CHN1: variants seen among roughly 807,000 people sequenced by gnomAD.
The protein encoded by CHN1 is N-chimaerin.
In CHN1, 37 loss-of-function variants were observed where a neutral mutation model predicts 59.5. The observed-to-expected ratio is 0.62, with a 90% CI of 0.48 to 0.82. The LOEUF (loss-of-function observed/expected upper bound fraction) is 0.82, where lower values mean the gene tolerates loss of function less well. Ranked by LOEUF, CHN1 falls within the 40% of genes least tolerant of loss-of-function variation. CHN1 has a pLI of 0.00. For missense variants in CHN1, 469 were observed against 571.0 expected (o/e 0.82, Z 1.82); for synonymous variants, 206 against 200.4 (o/e 1.03, Z -0.24).
At chr2:174,865,242 C>A (rs1687182885) in intron 6 of CHN1, among the ~76,000 whole-genome samples, 1 of 152,168 alleles carries the variant, frequency 6.6e-6, no homozygotes, top group African/African-American at 2.4e-5. Context: ...AATGGCCCAT[C>A]TGAACCATGC....
At chr2:174,972,028 T>A (rs938668037) in intron 1 of CHN1, among the ~76,000 whole-genome samples, 6 of 152,156 alleles carry the variant, frequency 3.9e-5, no homozygotes, top group Non-Finnish European at 8.8e-5. Context: ...GCCCGACAAC[T>A]ATCACTAGGC....
intron 6 of CHN1, among the ~76,000 whole-genome samples, chr2:174,862,311 A>G (rs1287828068): frequency 6.6e-6 from 1 of 151,598 alleles, no homozygotes; most frequent in Non-Finnish European, 1.5e-5. Flanking sequence ...TATAGAATTT[A>G]ATACATTACG....
Position 174,841,992 on chromosome 2 carries a change from G to T in CHN1, c.627+4888C>A, listed in dbSNP as rs185282581. 4.5e-3 allele frequency among the ~76,000 whole-genome samples: 680 copies of T among 152,118 alleles called. 6 individuals are homozygous for T. The highest frequency in any genetic ancestry group is 0.015 in the African/African-American group (640 of 41,496). On this transcript the variant is annotated intron_variant, in intron 7 of 12. Coordinates refer to ENST00000409900, the MANE Select transcript of CHN1 (RefSeq NM_001822.7). ...GGTATCTTGGGTTTTATTTCATTTTGAAAACTCACATAAATCTAATTAAAA... is the reference window on the plus strand; with the variant it reads ...GGTATCTTGGGTTTTATTTCATTTTTAAAACTCACATAAATCTAATTAAAA...
At chr2:174,989,249 G>A (rs939412585) in intron 1 of CHN1, among the ~76,000 whole-genome samples, 3 of 151,840 alleles carry the variant, frequency 2.0e-5, no homozygotes, top group Non-Finnish European at 2.9e-5. Context: ...GGTGGCGGGC[G>A]CCTGTAATCC....
Position 175,005,290 on chromosome 2 carries a change from G to A in CHN1, c.-378C>T. ...GCGGCGGCGGCGGCGGCGACGGGGA[G>A]AGCAGCAGCAGCCTCGCACAGCCCC... On this transcript the variant is annotated 5_prime_UTR_variant, in exon 1 of 13. Coordinates refer to ENST00000409900, the MANE Select transcript of CHN1 (RefSeq NM_001822.7). 1 of 1,198,250 alleles carries A rather than the reference G, an allele frequency of 8.3e-7. No individual in the cohort carries two copies. The highest frequency in any genetic ancestry group is 1.6e-5 in the African/African-American group (1 of 61,750). 74.2% of individuals were successfully genotyped at this position (1,198,250 alleles called of 1,614,324 possible). A position where few individuals can be genotyped will look rare whatever the true frequency, so the allele number is the denominator to read the frequency against.
At chr2:174,887,402 T>G (rs1252575181) in intron 5 of CHN1, among the ~76,000 whole-genome samples, 1 of 152,164 alleles carries the variant, frequency 6.6e-6, no homozygotes, top group Non-Finnish European at 1.5e-5. Flanking sequence ...GTGTTTATTT[T>G]AATAATACTA....
intron 7 of CHN1, among the ~76,000 whole-genome samples, chr2:174,828,062 G>T (rs188586999): frequency 3.9e-5 from 6 of 152,290 alleles, no homozygotes; most frequent in Admixed American, 3.9e-4. Flanking sequence ...GAGTTGGGAG[G>T]GAAGAGGGTA....
At chr2:174,879,725 G>T (rs1254663006) in intron 5 of CHN1, among the ~76,000 whole-genome samples, 1 of 151,988 alleles carries the variant, frequency 6.6e-6, no homozygotes, top group Non-Finnish European at 1.5e-5. Context: ...ACATAGCATT[G>T]AGTCCCTTTA....
chr2:174,812,508 C>T (rs768849610), intron 8 of CHN1, 26 bp from the exon 9 acceptor site: 11 of 1,610,996 alleles, frequency 6.8e-6, no homozygotes, highest in Middle Eastern at 1.6e-4. Flanking sequence ...AGAAAGGAAA[C>T]ATTCAATATT....
chr2:174,902,370 GAATT>G (rs1379501026), intron 5 of CHN1, among the ~76,000 whole-genome samples: 3 of 151,828 alleles, frequency 2.0e-5, no homozygotes, highest in African/African-American at 7.3e-5. Context: ...ACATAAACTG[GAATT>G]ATTATATCAA....
intron 5 of CHN1, among the ~76,000 whole-genome samples, chr2:174,896,939 A>T (rs1688234454): frequency 6.6e-6 from 1 of 152,172 alleles, no homozygotes. Flanking sequence ...AAATATATCA[A>T]CACTCAAATC....
chr2:174,823,524 G>A (rs1051848920), intron 8 of CHN1, among the ~76,000 whole-genome samples: 1 of 152,050 alleles, frequency 6.6e-6, no homozygotes, highest in African/African-American at 2.4e-5. Context: ...TTAGCTGGGT[G>A]TGGTGGCGGG....
At chr2:174,900,650 A>G (rs934830231) in intron 5 of CHN1, among the ~76,000 whole-genome samples, 2 of 152,182 alleles carry the variant, frequency 1.3e-5, no homozygotes, top group African/African-American at 4.8e-5. Flanking sequence ...TACTAAAAAT[A>G]CAAAATTAGC....
chr2:175,000,245 G>A (rs900897688), intron 1 of CHN1, among the ~76,000 whole-genome samples: 3 of 149,812 alleles, frequency 2.0e-5, no homozygotes, highest in Non-Finnish European at 2.9e-5. Flanking sequence ...GGGTTCAAGC[G>A]ATTCTCCTGC....
chr2:174,840,054 T>C (rs534546448), intron 7 of CHN1, among the ~76,000 whole-genome samples: 1 of 152,142 alleles, frequency 6.6e-6, no homozygotes, highest in African/African-American at 2.4e-5. Flanking sequence ...AGAGATGTCA[T>C]TTGTATTTGT....
chr2:174,960,051 G>A (rs143321158), intron 1 of CHN1, among the ~76,000 whole-genome samples: 64 of 152,256 alleles, frequency 4.2e-4, no homozygotes, highest in Non-Finnish European at 6.5e-4. Context: ...ATGACTCTGG[G>A]ACTGGGAAAG....
At chr2:174,954,114 A>C (rs554958411) in intron 1 of CHN1, among the ~76,000 whole-genome samples, 1 of 152,326 alleles carries the variant, frequency 6.6e-6, no homozygotes, top group South Asian at 2.1e-4. Flanking sequence ...AGTGAAACAG[A>C]ATAGAGAATC....
chr2:174,799,979 CAG>C lies in CHN1; in HGVS notation c.*135_*136del, dbSNP rs887600762. Reference sequence around the variant, plus strand: ...CAGCTGAGCGGTGCTACAAAAACAACAGAAAGTTCCTTCACTTTAATCTGGTT... The same window carrying C: ...CAGCTGAGCGGTGCTACAAAAACAACAAAGTTCCTTCACTTTAATCTGGTT... On this transcript the variant is annotated 3_prime_UTR_variant, in exon 13 of 13. Coordinates refer to ENST00000409900, the MANE Select transcript of CHN1 (RefSeq NM_001822.7). 2.4e-6 allele frequency: 2 copies of C among 830,026 alleles called. No homozygotes were observed. The highest frequency in any genetic ancestry group is 4.0e-6 in the Non-Finnish European group (2 of 504,384). 51.4% of individuals were successfully genotyped at this position (830,026 alleles called of 1,614,324 possible). A position where few individuals can be genotyped will look rare whatever the true frequency, so the allele number is the denominator to read the frequency against.
intron 1 of CHN1, among the ~76,000 whole-genome samples, chr2:174,983,112 A>T (rs2105451970): frequency 6.6e-6 from 1 of 152,262 alleles, no homozygotes; most frequent in Admixed American, 6.5e-5. Context: ...TTTGAGGGGG[A>T]CTATGCTAGT....
Sources: gnomAD v4.1 joint callset for allele counts (sites outside exome capture counted in the v4.1 genomes callset) on GRCh38, gnomAD v4.1.1 for gene constraint, MANE v1.5 for transcripts, NCBI Gene and HGNC (gene_info 2026-07-23, HGNC 2026-07-21) for gene names.